MED28: variants seen among roughly 807,000 people sequenced by gnomAD.
MED28 encodes the protein mediator complex subunit 28, also known as mediator of RNA polymerase II transcription subunit 28.
Under a neutral mutation model 21.3 loss-of-function variants are expected in MED28, and 26 were observed. The observed-to-expected ratio is 1.22, with a 90% CI of 0.89 to 1.69. MED28 has a LOEUF of 1.69. Ranked by LOEUF, MED28 falls within the 40% of genes most tolerant of loss-of-function variation. MED28 has a pLI of 0.00. For missense variants in MED28, 257 were observed against 215.4 expected, an observed-to-expected ratio of 1.19 and a Z score of -1.21; for synonymous variants, 110 against 87.6, an observed-to-expected ratio of 1.26 and a Z score of -1.43.
chr4:17,623,268 G>GGA (rs1560158404), intron 3 of MED28, among the ~76,000 whole-genome samples: 1 of 151,098 alleles, frequency 6.6e-6, no homozygotes, highest in East Asian at 2.0e-4. Context: ...GGGTGTGGTG[G>GGA]CGTGTGCCTG....
At position 17,631,733 on chromosome 4, in the gene MED28, A is replaced by T. The variant is rs1235226087; in HGVS notation, c.*7935A>T. On this transcript the variant is annotated 3_prime_UTR_variant, in exon 4 of 4. Transcript: ENST00000237380. ...AAGTATTCAGTCCAAGCATGCTACCATCCATTTCTGGTAGGTTTGGTTTGT... is the reference window on the plus strand; with the variant it reads ...AAGTATTCAGTCCAAGCATGCTACCTTCCATTTCTGGTAGGTTTGGTTTGT... 1 of 152,134 alleles carries T rather than the reference A, an allele frequency of 6.6e-6. No homozygotes were observed. The highest frequency in any genetic ancestry group is 1.9e-4 in the East Asian group (1 of 5,198). The allele number at this position is 152,134 out of a possible 1,614,324, so 9.4% of individuals were successfully genotyped here.
chr4:17,619,774 A>G (rs1714564044), intron 1 of MED28, 127 bp from the exon 2 acceptor site: 2 of 742,500 alleles, frequency 2.7e-6, no homozygotes, highest in East Asian at 2.7e-5. Context: ...GTGTCTTGCC[A>G]TCTCATATGC....
Position 17,632,290 on chromosome 4 carries a change from G to C in MED28, c.*8492G>C, listed in dbSNP as rs1224489439. The stretch of plus-strand genomic sequence containing the variant: ...GGGTTTCACCATATTGGCCAGGCTG[G>C]TCTCAAATTCCTGGACTCAAGCAGT... On this transcript the variant is annotated 3_prime_UTR_variant, in exon 4 of 4. Transcript: ENST00000237380. 6.6e-6 allele frequency: 2 copies of C among 304,270 alleles called. No individual in the cohort carries two copies. Among genetic ancestry groups the C allele is most frequent in the African/African-American group, 4.3e-5 (2 of 46,754 alleles). 18.8% of individuals were successfully genotyped at this position (304,270 alleles called of 1,614,324 possible).
chr4:17,633,520 T>G lies in MED28; in HGVS notation c.*9722T>G, dbSNP rs1715027492. 1.8e-6 allele frequency: 1 copy of G among 566,718 alleles called. No homozygotes were observed. Among genetic ancestry groups the G allele is most frequent in the Non-Finnish European group, 3.0e-6 (1 of 336,466 alleles). 35.1% of individuals were successfully genotyped at this position (566,718 alleles called of 1,614,324 possible). Reference sequence around the variant, plus strand: ...TCCAGGCCAGATGGAGTCCACCTTTTGTATAACCCATGCTGAAGTTTTCAG... The same window carrying G: ...TCCAGGCCAGATGGAGTCCACCTTTGGTATAACCCATGCTGAAGTTTTCAG... On this transcript the variant is annotated 3_prime_UTR_variant, in exon 4 of 4. Transcript: ENST00000237380.
At chr4:17,617,972 G>C (rs542859076) in intron 1 of MED28, among the ~76,000 whole-genome samples, 1 of 148,128 alleles carries the variant, frequency 6.8e-6, no homozygotes, top group East Asian at 2.0e-4. Context: ...CTGTCCAACT[G>C]TCTATAAAGG....
chr4:17,626,561 C>T lies in MED28; in HGVS notation c.*2763C>T, dbSNP rs901974409. The T allele has an allele frequency of 6.6e-6, 1 of 152,142 alleles. No individual in the cohort carries two copies. The highest frequency in any genetic ancestry group is 2.4e-5 in the African/African-American group (1 of 41,422). 9.4% of individuals were successfully genotyped at this position (152,142 alleles called of 1,614,324 possible). Reference sequence around the variant, plus strand: ...TAGCTCTTTGAAAGGTAGAAAGTTCCACCAAGAAGGCCTTTTTTCTTGAAT... The same window carrying T: ...TAGCTCTTTGAAAGGTAGAAAGTTCTACCAAGAAGGCCTTTTTTCTTGAAT... On this transcript the variant is annotated 3_prime_UTR_variant, in exon 4 of 4. Coordinates refer to ENST00000237380, the MANE Select transcript of MED28 (RefSeq NM_025205.5).
Position 17,623,898 on chromosome 4 carries a change from G to A in MED28, c.*100G>A. ...GACATTTTGGAAGAACTCTTTGCCA[G>A]ATAATGAGTTCATTTTAGTTTTATG... is the stretch of plus-strand genomic sequence containing the variant. On this transcript the variant is annotated 3_prime_UTR_variant, in exon 4 of 4. Transcript: ENST00000237380. 7.5e-7 allele frequency: 1 copy of A among 1,337,906 alleles called. No individual in the cohort carries two copies. Among genetic ancestry groups the A allele is most frequent in the Non-Finnish European group, 1.0e-6 (1 of 976,536 alleles). The allele number at this position is 1,337,906 out of a possible 1,614,324, so 82.9% of individuals were successfully genotyped here.
In MED28 at chr4:17,621,674, A is replaced by G. The variant is rs758184008; in HGVS notation, c.314A>G (p.Gln105Arg). Residue 105 changes from glutamine to arginine, a missense_variant, in exon 3 of 4, where the codon CAG becomes CGG. Gln to Arg is a conservative substitution (Grantham distance 43, BLOSUM62 1). Transcript: ENST00000237380. ...FLQKRLQLSV[Q>R]KPEQVIKEDV... ...CAAAAAAGATTGCAGTTATCTGTCC[A>G]GAAACCAGAGCAAGTTATCAAAGAG... 6.2e-7 allele frequency: 1 copy of G among 1,611,188 alleles called. No homozygotes were observed. The highest frequency in any genetic ancestry group is 8.5e-7 in the Non-Finnish European group (1 of 1,179,200).
chr4:17,623,008 A>C (rs1046985259), intron 3 of MED28, among the ~76,000 whole-genome samples: 16 of 152,246 alleles, frequency 1.1e-4, no homozygotes, highest in Admixed American at 2.6e-4. Context: ...GTTACAATTC[A>C]AGATGAGATT....
Position 17,624,090 on chromosome 4 carries a change from G to T in MED28, c.*292G>T. 2.6e-6 allele frequency: 1 copy of T among 378,020 alleles called. No homozygotes were observed. The highest frequency in any genetic ancestry group is 3.5e-5 in the South Asian group (1 of 28,888). 23.4% of individuals were successfully genotyped at this position (378,020 alleles called of 1,614,324 possible). A position where few individuals can be genotyped will look rare whatever the true frequency, so the allele number is the denominator to read the frequency against. Reference sequence around the variant, plus strand: ...ATTCTTTTTTATGGTGGCTTTGCTTGTTTTAAATTTTTGCATGACTTTTCA... The same window carrying T: ...ATTCTTTTTTATGGTGGCTTTGCTTTTTTTAAATTTTTGCATGACTTTTCA... On this transcript the variant is annotated 3_prime_UTR_variant, in exon 4 of 4. Coordinates refer to ENST00000237380, the MANE Select transcript of MED28 (RefSeq NM_025205.5).
chr4:17,619,081 A>G (rs1468292039), intron 1 of MED28, among the ~76,000 whole-genome samples: 1 of 152,090 alleles, frequency 6.6e-6, no homozygotes, highest in Non-Finnish European at 1.5e-5. Flanking sequence ...CTCCTTTTCC[A>G]ACTGCCATGC....
At position 17,632,084 on chromosome 4, in the gene MED28, T is replaced by C. The variant is rs1178919887; in HGVS notation, c.*8286T>C. On this transcript the variant is annotated 3_prime_UTR_variant, in exon 4 of 4. Transcript: ENST00000237380. Reference sequence around the variant, plus strand: ...TTTTTTTTTTTTTTTTTTTTTTTTTTTTTGGAGACAGGGTCTCCCTCTGTC... The same window carrying C: ...TTTTTTTTTTTTTTTTTTTTTTTTTCTTTGGAGACAGGGTCTCCCTCTGTC... 1.6e-5 allele frequency: 1 copy of C among 61,032 alleles called. No individual in the cohort carries two copies. Among genetic ancestry groups the C allele is most frequent in the East Asian group, 7.8e-4 (1 of 1,280 alleles). 3.8% of individuals were successfully genotyped at this position (61,032 alleles called of 1,614,324 possible).
chr4:17,616,285 T>G (rs993679619), intron 1 of MED28, among the ~76,000 whole-genome samples: 3 of 152,086 alleles, frequency 2.0e-5, no homozygotes, highest in African/African-American at 7.2e-5. Flanking sequence ...ACAGACCGTT[T>G]AGGAGGAGGA....
At chr4:17,615,770 A>G (rs1714432522) in intron 1 of MED28, among the ~76,000 whole-genome samples, 1 of 152,170 alleles carries the variant, frequency 6.6e-6, no homozygotes, top group African/African-American at 2.4e-5. Flanking sequence ...AGACCGCGCC[A>G]TTGCACTCCA....
In MED28 at chr4:17,614,829, G is replaced by T. The variant is rs1435638942; in HGVS notation, c.159+16G>T. On this transcript the variant is annotated intron_variant, in intron 1 of 3. Transcript: ENST00000237380. The stretch of plus-strand genomic sequence containing the variant: ...ATCTTTCGAGGTAATATAAGACATG[G>T]GCGTCTTTGTCCCTAGCCTTCCCTT... 6.3e-7 allele frequency: 1 copy of T among 1,587,736 alleles called. No homozygotes were observed. The highest frequency in any genetic ancestry group is 8.6e-7 in the Non-Finnish European group (1 of 1,167,458).
Position 17,625,384 on chromosome 4 carries a change from C to A in MED28, c.*1586C>A, listed in dbSNP as rs1176611875. On this transcript the variant is annotated 3_prime_UTR_variant, in exon 4 of 4. Transcript: ENST00000237380. ...AGGTTAAACAAAGCTTTTAAAAGCTCATGTGGTATGACCTCAAGGTTGCTA... is the reference window on the plus strand; with the variant it reads ...AGGTTAAACAAAGCTTTTAAAAGCTAATGTGGTATGACCTCAAGGTTGCTA... 4.1e-5 allele frequency: 9 copies of A among 219,726 alleles called. No homozygotes were observed. The Admixed American group carries it at 5.3e-4, about 13-fold the overall frequency. The allele number at this position is 219,726 out of a possible 1,614,324, so 13.6% of individuals were successfully genotyped here.
In MED28 at chr4:17,621,594, TC is replaced by T; in HGVS notation, c.235del (p.Gln79SerfsTer40). The T allele has an allele frequency of 6.3e-7, 1 of 1,577,462 alleles. No individual in the cohort carries two copies. Among genetic ancestry groups the T allele is most frequent in the East Asian group, 2.3e-5 (1 of 44,370 alleles). On this transcript the variant is annotated frameshift_variant, in exon 3 of 4. Coordinates refer to ENST00000237380, the MANE Select transcript of MED28 (RefSeq NM_025205.5). LOFTEE classifies it high-confidence loss of function. ...TGTTCCTTTTTTTTTAAGGTGTTGA[TC>T]AGTGTATCCAGAAGTTTCTGGATAT... ...DQEEIRTGVD[Q>X]CIQKFLDIAR...
Position 17,614,685 on chromosome 4 carries a change from G to A in MED28, c.31G>A (p.Gly11Arg), listed in dbSNP as rs774099148. 6.2e-7 allele frequency: 1 copy of A among 1,613,608 alleles called. No homozygotes were observed. The highest frequency in any genetic ancestry group is 2.2e-5 in the East Asian group (1 of 44,864). The change falls in exon 1 of 4, where the codon GGG (glycine) becomes AGG (arginine). Residue 11 changes from glycine to arginine, a missense_variant. Gly to Arg is a moderately radical substitution (Grantham distance 125, BLOSUM62 -2). Transcript: ENST00000237380. ...GGCTCCACTAGGGGGTATGTTTTCT[G>A]GGCAGCCACCCGGTCCCCCTCAGGC... MAAPLGGMFS[G>R]QPPGPPQAPP...
In MED28 at chr4:17,624,508, C is replaced by A. The variant is rs1431853933; in HGVS notation, c.*710C>A. 6.6e-6 allele frequency: 1 copy of A among 151,490 alleles called. No individual in the cohort carries two copies. The highest frequency in any genetic ancestry group is 1.5e-5 in the Non-Finnish European group (1 of 68,000). 9.4% of individuals were successfully genotyped at this position (151,490 alleles called of 1,614,324 possible). A position where few individuals can be genotyped will look rare whatever the true frequency, so the allele number is the denominator to read the frequency against. ...TATAGTGGGAGCAGTGATACGCTAA[C>A]ATTCATTACATTCTGCAGTAATGAA... On this transcript the variant is annotated 3_prime_UTR_variant, in exon 4 of 4. Transcript: ENST00000237380.
Sources: gnomAD v4.1 joint callset for allele counts (sites outside exome capture counted in the v4.1 genomes callset) on GRCh38, gnomAD v4.1.1 for gene constraint, MANE v1.5 for transcripts, NCBI Gene and HGNC (gene_info 2026-07-23, HGNC 2026-07-21) for gene names.